NBPF8: variants seen among roughly 807,000 people sequenced by gnomAD.
NBPF8 encodes NBPF family member NBPF8.
chr1:120,433,229 A>G (rs1297294821), upstream of NBPF8: 2 of 152,300 alleles, frequency 1.3e-5, no homozygotes, highest in East Asian at 3.9e-4. Context: ...AGAACCTAGA[A>G]TAAGCAAGTC....
chr1:120,436,435 A>G, exon 1 of NBPF8: 1 of 1,195,070 alleles, frequency 8.4e-7, no homozygotes, highest in Non-Finnish European at 1.2e-6. Flanking sequence ...GATTAAACCT[A>G]TTTGATTTCA....
intron 16 of NBPF8, among the ~76,000 whole-genome samples, chr1:120,459,003 AG>A (rs1661496378): frequency 1.5e-5 from 1 of 66,792 alleles, no homozygotes; most frequent in African/African-American, 4.9e-5. Flanking sequence ...CACTGCGTCA[AG>A]AACTCTCTTC....
chr1:120,418,934 ATTG>A (rs1190740455), upstream of NBPF8, among the ~76,000 whole-genome samples: 38 of 151,842 alleles, frequency 2.5e-4, no homozygotes, highest in Admixed American at 9.8e-4. Context: ...TATAGTATTC[ATTG>A]TTGTTATTAT....
chr1:120,436,267 C>T, upstream of NBPF8: 2 of 795,466 alleles, frequency 2.5e-6, no homozygotes, highest in Non-Finnish European at 2.0e-6. Flanking sequence ...ATCTACCTCA[C>T]TCTTATCAGA....
intron 11 of NBPF8, among the ~76,000 whole-genome samples, chr1:120,449,961 G>A (rs1340929655): frequency 6.6e-6 from 1 of 152,138 alleles, no homozygotes; most frequent in Non-Finnish European, 1.5e-5. Flanking sequence ...GTGCATGGTG[G>A]CTCACTCCTG....
chr1:120,449,885 G>C (rs1386609318), intron 11 of NBPF8, among the ~76,000 whole-genome samples: 3 of 152,136 alleles, frequency 2.0e-5, no homozygotes. Flanking sequence ...GCTTCAAGAG[G>C]AGTCTATTCC....
At chr1:120,455,262 A>G (rs1661403173) in intron 15 of NBPF8, 147 bp from the exon 14 acceptor site, 1 of 625,308 alleles carries the variant, frequency 1.6e-6, no homozygotes, top group Non-Finnish European at 2.8e-6. Context: ...ACCAAAGTTA[A>G]TCTAGGACAA....
chr1:120,463,104 A>G, intron 21 of NBPF8, 138 bp downstream of exon 19: 1 of 699,964 alleles, frequency 1.4e-6, no homozygotes, highest in South Asian at 1.5e-5. Context: ...ATAGGTTGTA[A>G]TGAGACTGTA....
chr1:120,465,220 G>T (rs1570947275), intron 23 of NBPF8, 43 bp from the exon 22 acceptor site: 3 of 430,212 alleles, frequency 7.0e-6, no homozygotes, highest in African/African-American at 5.7e-5. Flanking sequence ...TGTGTGTAGG[G>T]GAATCAGCTT....
At chr1:120,449,752 C>G (rs1300462108) in intron 11 of NBPF8, among the ~76,000 whole-genome samples, 1 of 152,130 alleles carries the variant, frequency 6.6e-6, no homozygotes, top group Non-Finnish European at 1.5e-5. Context: ...GTCTGTTGTT[C>G]TAAATGTCTG....
upstream of NBPF8, among the ~76,000 whole-genome samples, chr1:120,434,549 T>C (rs1661018681): frequency 1.3e-5 from 2 of 150,454 alleles, no homozygotes; most frequent in African/African-American, 4.9e-5. Flanking sequence ...ATGTTCCCCG[T>C]CCTGTGTCCA....
chr1:120,460,998 C>A (rs1661570522), intron 18 of NBPF8, among the ~76,000 whole-genome samples: 1 of 146,856 alleles, frequency 6.8e-6, no homozygotes, highest in Admixed American at 6.8e-5. Flanking sequence ...GTCACCTGAC[C>A]AATTCACTGA....
chr1:120,465,978 G>T, exon 25 of NBPF8: 1 of 1,611,766 alleles, frequency 6.2e-7, no homozygotes, highest in Non-Finnish European at 8.5e-7. Context: ...CCTTTTCCAG[G>T]CTCAACAGCG....
chr1:120,418,405 T>G (rs1660483750), upstream of NBPF8, among the ~76,000 whole-genome samples: 1 of 93,044 alleles, frequency 1.1e-5, no homozygotes, highest in Non-Finnish European at 2.0e-5. Flanking sequence ...GCAGTAACTC[T>G]TTTATACTTC....
intron 12 of NBPF8, 82 bp from the exon 11 acceptor site, chr1:120,452,035 G>A: frequency 2.1e-6 from 3 of 1,409,414 alleles, no homozygotes; most frequent in East Asian, 2.3e-5. Context: ...TGAGGACATT[G>A]TCTCAGAAGT....
intron 11 of NBPF8, among the ~76,000 whole-genome samples, chr1:120,450,926 C>A (rs1661251244): frequency 6.6e-6 from 1 of 151,928 alleles, no homozygotes; most frequent in Non-Finnish European, 1.5e-5. Context: ...TCTGACTCCA[C>A]TTCGTTGTGG....
chr1:120,421,395 C>T (rs1325055831), intron 1 of NBPF8, among the ~76,000 whole-genome samples: 6 of 151,440 alleles, frequency 4.0e-5, no homozygotes, highest in Non-Finnish European at 8.8e-5. Context: ...CTACTTCTCT[C>T]CCACTCTTTT....
In NBPF8 at chr1:120,450,209, AG is replaced by A. The variant is rs1661225231; in HGVS notation, n.1971+810del. Among the ~76,000 whole-genome samples, 3 of 152,280 alleles carry A rather than the reference AG, an allele frequency of 2.0e-5. No homozygotes were observed. The South Asian group carries it at 6.2e-4, about 32-fold the overall frequency. On this transcript the variant is annotated intron_variant and non_coding_transcript_variant, in intron 11 of 24. Transcript: ENST00000583271. ...GCCATTGCACTCCAGCCTGGGCGAC[AG>A]GGCAAGACTGTTAAAAATAATAATA...
intron 17 of NBPF8, among the ~76,000 whole-genome samples, 151 bp from the exon 16 acceptor site, chr1:120,460,422 G>C (rs1386736161): frequency 2.6e-5 from 4 of 152,180 alleles, no homozygotes; most frequent in Non-Finnish European, 5.9e-5. Context: ...CTCAAGACTT[G>C]ACCTCAGGCC....
Sources: allele counts gnomAD v4.1 joint callset (sites outside exome capture counted in the v4.1 genomes callset), GRCh38; gene constraint gnomAD v4.1.1; transcripts MANE v1.5; gene names NCBI Gene and HGNC (gene_info 2026-07-23, HGNC 2026-07-21).